DCC: variants seen among roughly 807,000 people sequenced by gnomAD.
DCC encodes DCC netrin 1 receptor, also known as netrin receptor DCC.
DCC carries 58 observed loss-of-function variants against 172.5 expected under a neutral mutation model. The observed-to-expected ratio is 0.34, with a 90% CI of 0.27 to 0.42. DCC has a LOEUF of 0.42. Among genes scored for constraint, DCC ranks in the 10% least tolerant of loss-of-function variants. DCC has a pLI of 1.00. For synonymous variants in DCC, 709 were observed against 644.5 expected, an observed-to-expected ratio of 1.10 and a Z score of -1.52; for missense variants, 1,740 against 1,791.0, an observed-to-expected ratio of 0.97 and a Z score of 0.51.
intron 1 of DCC, among the ~76,000 whole-genome samples, chr18:52,493,339 T>C (rs2030598289): frequency 6.6e-6 from 1 of 151,978 alleles, no homozygotes; most frequent in Non-Finnish European, 1.5e-5. Flanking sequence ...TTTTGTAAAC[T>C]CATCTTTTTT....
chr18:52,842,629 C>G (rs2038825653), intron 2 of DCC, among the ~76,000 whole-genome samples: 1 of 152,126 alleles, frequency 6.6e-6, no homozygotes, highest in South Asian at 2.1e-4. Flanking sequence ...CCTAGTTGAG[C>G]TGACACATAA....
At chr18:52,487,548 C>A (rs1173894260) in intron 1 of DCC, among the ~76,000 whole-genome samples, 1 of 152,068 alleles carries the variant, frequency 6.6e-6, no homozygotes, top group Non-Finnish European at 1.5e-5. Flanking sequence ...CGGTGGCTCA[C>A]GCCTGTAATC....
chr18:53,067,007 A>G (rs1408449160), intron 7 of DCC, among the ~76,000 whole-genome samples: 1 of 152,082 alleles, frequency 6.6e-6, no homozygotes, highest in Non-Finnish European at 1.5e-5. Flanking sequence ...TATCAGGAGA[A>G]CACTACCAGC....
intron 1 of DCC, among the ~76,000 whole-genome samples, chr18:52,402,259 G>T (rs1332062427): frequency 6.6e-6 from 1 of 151,916 alleles, no homozygotes; most frequent in East Asian, 1.9e-4. Flanking sequence ...CTCTCTGATC[G>T]ATTTAAATGG....
intron 7 of DCC, among the ~76,000 whole-genome samples, chr18:53,122,320 A>C (rs2043494256): frequency 6.6e-6 from 1 of 152,026 alleles, no homozygotes; most frequent in Non-Finnish European, 1.5e-5. Flanking sequence ...CTCATTAACC[A>C]ATTGGCTTTT....
intron 7 of DCC, among the ~76,000 whole-genome samples, chr18:53,114,791 T>G (rs987785759): frequency 6.6e-6 from 1 of 151,638 alleles, no homozygotes; most frequent in South Asian, 2.1e-4. Context: ...GCTCCTTGAT[T>G]ACATTTATGG....
chr18:53,396,018 A>C (rs1183237756), intron 17 of DCC, among the ~76,000 whole-genome samples: 5 of 152,196 alleles, frequency 3.3e-5, no homozygotes, highest in Non-Finnish European at 5.9e-5. Context: ...AAATCACCGA[A>C]ATGTTATTAG....
At chr18:52,764,738 C>T (rs1399998922) in intron 2 of DCC, among the ~76,000 whole-genome samples, 2 of 152,166 alleles carry the variant, frequency 1.3e-5, no homozygotes, top group African/African-American at 2.4e-5. Context: ...GTTATCCAAC[C>T]TCAGACATTC....
At chr18:52,766,244 C>T (rs1024541481) in intron 2 of DCC, among the ~76,000 whole-genome samples, 5 of 152,234 alleles carry the variant, frequency 3.3e-5, no homozygotes, top group Admixed American at 2.6e-4. Context: ...AAACTCTATG[C>T]AGGCCCCATG....
intron 1 of DCC, among the ~76,000 whole-genome samples, chr18:52,667,529 A>C (rs1273202654): frequency 6.6e-6 from 1 of 152,212 alleles, no homozygotes; most frequent in Non-Finnish European, 1.5e-5. Flanking sequence ...AGGGGTGTCA[A>C]AGCTATCTTA....
rs200362641 is a variant in DCC at position 53,491,154 on chromosome 18, TG to T, written c.3898+4200del. On this transcript the variant is annotated intron_variant, in intron 26 of 28. Transcript: ENST00000442544. Reference sequence around the variant, plus strand: ...GGATCACAGGAGCCAGCTGAAAACTTGGGGATAGAAGACTGGGCATGCAGAC... The same window carrying T: ...GGATCACAGGAGCCAGCTGAAAACTTGGGATAGAAGACTGGGCATGCAGAC... Among the ~76,000 whole-genome samples, 850 of 152,266 alleles carry T rather than the reference TG, an allele frequency of 5.6e-3. 9 individuals are homozygous for T. The highest frequency in any genetic ancestry group is 0.02 in the African/African-American group (819 of 41,562).
chr18:53,169,818 G>T (rs1007756100), intron 8 of DCC, among the ~76,000 whole-genome samples: 5 of 152,124 alleles, frequency 3.3e-5, no homozygotes, highest in African/African-American at 1.2e-4. Context: ...AACCCAGTGT[G>T]CTTATCTGCC....
At chr18:53,026,818 C>A (rs780594356) in intron 5 of DCC, among the ~76,000 whole-genome samples, 1 of 152,008 alleles carries the variant, frequency 6.6e-6, no homozygotes, top group South Asian at 2.1e-4. Flanking sequence ...CTACCTTGAC[C>A]TCTCAAAATG....
chr18:52,849,185 T>C (rs1275347420), intron 2 of DCC, among the ~76,000 whole-genome samples: 1 of 152,190 alleles, frequency 6.6e-6, no homozygotes, highest in East Asian at 1.9e-4. Flanking sequence ...TTCTCAGGTT[T>C]TTCTAATTCC....
At chr18:53,487,464 A>T (rs1020193230) in intron 26 of DCC, among the ~76,000 whole-genome samples, 1 of 151,424 alleles carries the variant, frequency 6.6e-6, no homozygotes, top group Admixed American at 6.6e-5. Flanking sequence ...GAAGGAAGGT[A>T]GGAATGAAAA....
chr18:52,573,461 T>C (rs2033346068), intron 1 of DCC, among the ~76,000 whole-genome samples: 1 of 152,194 alleles, frequency 6.6e-6, no homozygotes, highest in Non-Finnish European at 1.5e-5. Context: ...TAATATATGC[T>C]TTTTTATTAT....
At chr18:53,119,964 AC>A (rs1167590957) in intron 7 of DCC, among the ~76,000 whole-genome samples, 1 of 151,852 alleles carries the variant, frequency 6.6e-6, no homozygotes, top group African/African-American at 2.4e-5. Context: ...TTATATAAAA[AC>A]TGTTGATAAT....
At chr18:53,290,371 C>T (rs1301595876) in intron 12 of DCC, among the ~76,000 whole-genome samples, 1 of 152,108 alleles carries the variant, frequency 6.6e-6, no homozygotes, top group Non-Finnish European at 1.5e-5. Context: ...AAATATTTTC[C>T]TTATTTCTCC....
At chr18:52,562,909 T>G (rs928971841) in intron 1 of DCC, among the ~76,000 whole-genome samples, 1 of 152,086 alleles carries the variant, frequency 6.6e-6, no homozygotes, top group Non-Finnish European at 1.5e-5. Flanking sequence ...GGATTACAGG[T>G]GTGAGCCACC....
Sources: allele counts gnomAD v4.1 joint callset (sites outside exome capture counted in the v4.1 genomes callset), GRCh38; gene constraint gnomAD v4.1.1; transcripts MANE v1.5; gene names NCBI Gene and HGNC (gene_info 2026-07-23, HGNC 2026-07-21).